RPS6KC1: variants seen among roughly 807,000 people sequenced by gnomAD.
RPS6KC1 encodes ribosomal protein S6 kinase C1.
A neutral mutation model predicts 103.8 loss-of-function variants in RPS6KC1; 54 were observed. The observed-to-expected ratio is 0.52, with a 90% CI of 0.42 to 0.65. The LOEUF (loss-of-function observed/expected upper bound fraction) is 0.65, where lower values mean the gene tolerates loss of function less well. RPS6KC1 is among the 30% of genes least tolerant of loss of function. RPS6KC1 has a pLI of 0.00. For missense variants in RPS6KC1, 1,151 were observed against 1,253.8 expected (o/e 0.92, Z 1.24); for synonymous variants, 439 against 438.7 (o/e 1.00, Z -0.01).
intron 8 of RPS6KC1, chr1:213,205,244 A>G: frequency 1.0e-6 from 1 of 985,044 alleles, no homozygotes; most frequent in Non-Finnish European, 1.2e-6. Flanking sequence ...ATTAGTACAC[A>G]GCCATGGTGA....
At chr1:213,804,699 G>A in the RPS6KC1 span, among the ~76,000 whole-genome samples, 1 of 152,088 alleles carries the variant, frequency 6.6e-6, no homozygotes, top group Non-Finnish European at 1.5e-5. Context: ...TTAAGGATAA[G>A]ATCTTACTCC....
the RPS6KC1 span, among the ~76,000 whole-genome samples, chr1:213,716,698 G>GTA: frequency 5.3e-5 from 8 of 151,882 alleles, no homozygotes; most frequent in Non-Finnish European, 1.0e-4. Context: ...TTTAATTTGG[G>GTA]TATATATATA....
chr1:213,556,534 A>AATTGG, the RPS6KC1 span, among the ~76,000 whole-genome samples: 1 of 152,132 alleles, frequency 6.6e-6, no homozygotes, highest in Non-Finnish European at 1.5e-5. Context: ...AGAAGAACAG[A>AATTGG]ATTGGTGGAT....
the RPS6KC1 span, among the ~76,000 whole-genome samples, chr1:213,858,116 C>G: frequency 1.3e-5 from 2 of 152,176 alleles, no homozygotes; most frequent in East Asian, 3.9e-4. Flanking sequence ...GCAAGATATG[C>G]GTATCAATAA....
At chr1:213,410,870 T>A in the RPS6KC1 span, among the ~76,000 whole-genome samples, 1 of 151,562 alleles carries the variant, frequency 6.6e-6, no homozygotes, top group South Asian at 2.1e-4. Flanking sequence ...TAAGAGACTG[T>A]GATCAGAGCA....
the RPS6KC1 span, among the ~76,000 whole-genome samples, chr1:213,706,663 A>G: frequency 6.6e-6 from 1 of 152,104 alleles, no homozygotes; most frequent in Non-Finnish European, 1.5e-5. Flanking sequence ...CCCATCACCT[A>G]CATTAGGTAT....
chr1:213,820,594 A>C, the RPS6KC1 span: 5 of 152,240 alleles, frequency 3.3e-5, no homozygotes, highest in Admixed American at 3.3e-4. Flanking sequence ...TCTGTCTTCT[A>C]GTGTGGCCAA....
At chr1:213,224,405 G>A (rs2093911812) in intron 8 of RPS6KC1, among the ~76,000 whole-genome samples, 1 of 152,092 alleles carries the variant, frequency 6.6e-6, no homozygotes. Flanking sequence ...GTTATTTCAT[G>A]TATTAGTATG....
chr1:213,661,993 G>A, the RPS6KC1 span, among the ~76,000 whole-genome samples: 1 of 152,082 alleles, frequency 6.6e-6, no homozygotes, highest in Non-Finnish European at 1.5e-5. Context: ...TATTAATGTG[G>A]CTGGAACTGG....
the RPS6KC1 span, among the ~76,000 whole-genome samples, chr1:213,698,434 A>AT: frequency 3.3e-5 from 5 of 152,166 alleles, no homozygotes; most frequent in Non-Finnish European, 7.4e-5. Flanking sequence ...CTTTTCCTGA[A>AT]TGTTATATAA....
chr1:213,347,085 T>C, the RPS6KC1 span, among the ~76,000 whole-genome samples: 1 of 152,142 alleles, frequency 6.6e-6, no homozygotes, highest in East Asian at 1.9e-4. Flanking sequence ...AGATTTGAGG[T>C]GACACGTAGA....
At chr1:213,507,276 C>T in the RPS6KC1 span, among the ~76,000 whole-genome samples, 338 of 152,230 alleles carry the variant, frequency 2.2e-3, 2 homozygotes, top group South Asian at 9.3e-3. Context: ...AACCTGAGCA[C>T]GCAACCTGCC....
At chr1:213,139,823 C>T (rs549017407) in intron 6 of RPS6KC1, among the ~76,000 whole-genome samples, 1 of 152,072 alleles carries the variant, frequency 6.6e-6, no homozygotes, top group Non-Finnish European at 1.5e-5. Context: ...TTTGGCTATT[C>T]AGGCTCTTTT....
At chr1:213,406,539 G>A in the RPS6KC1 span, among the ~76,000 whole-genome samples, 1 of 152,180 alleles carries the variant, frequency 6.6e-6, no homozygotes, top group African/African-American at 2.4e-5. Context: ...GGAGCTGCTC[G>A]TGTGTAAAGA....
At chr1:213,344,841 G>GT in the RPS6KC1 span, among the ~76,000 whole-genome samples, 1 of 152,054 alleles carries the variant, frequency 6.6e-6, no homozygotes, top group South Asian at 2.1e-4. Flanking sequence ...ACCTATGCTT[G>GT]TTTTTTATAC....
the RPS6KC1 span, among the ~76,000 whole-genome samples, chr1:213,535,076 A>C: frequency 6.6e-6 from 1 of 152,216 alleles, no homozygotes; most frequent in East Asian, 1.9e-4. Flanking sequence ...ATTTTGCATT[A>C]AGAAAGCCGA....
the RPS6KC1 span, among the ~76,000 whole-genome samples, chr1:213,497,315 G>A: frequency 0.67 from 102,026 of 151,678 alleles, 34,716 homozygotes; most frequent in East Asian, 0.98. Context: ...CGCAGAGCAT[G>A]TATGGTACAG....
At chr1:213,601,271 A>AAT in the RPS6KC1 span, among the ~76,000 whole-genome samples, 1 of 149,686 alleles carries the variant, frequency 6.7e-6, no homozygotes, top group African/African-American at 2.4e-5. Flanking sequence ...TTAAAGAGTA[A>AAT]ATATATATAT....
At chr1:213,788,925 G>A in the RPS6KC1 span, among the ~76,000 whole-genome samples, 10 of 152,264 alleles carry the variant, frequency 6.6e-5, no homozygotes, top group Admixed American at 5.2e-4. Context: ...TTTGATGAGA[G>A]TAGATGCTAC....
Sources: gnomAD v4.1 joint callset for allele counts (sites outside exome capture counted in the v4.1 genomes callset) on GRCh38, gnomAD v4.1.1 for gene constraint, MANE v1.5 for transcripts, NCBI Gene and HGNC (gene_info 2026-07-23, HGNC 2026-07-21) for gene names.